Variants in KLHDC1 observed in about 807,000 individuals in gnomAD.
The protein encoded by KLHDC1 is kelch domain containing 1.
Under a neutral mutation model 68.3 loss-of-function variants are expected in KLHDC1, and 53 were observed. The observed-to-expected ratio is 0.78, with a 90% CI of 0.62 to 0.98. KLHDC1 has a LOEUF of 0.98. Ranked by LOEUF, KLHDC1 falls within the 50% of genes least tolerant of loss-of-function variation. KLHDC1 has a pLI of 0.00. For synonymous variants in KLHDC1, 148 were observed against 159.0 expected (o/e 0.93, Z 0.52); for missense variants, 470 against 492.3 (o/e 0.95, Z 0.43).
intron 1 of KLHDC1, among the ~76,000 whole-genome samples, chr14:49,694,747 G>C (rs979322869): frequency 2.4e-4 from 37 of 152,056 alleles, no homozygotes; most frequent in African/African-American, 8.7e-4. Flanking sequence ...CCAGCTACTC[G>C]GGAGGCTGAG....
intron 6 of KLHDC1, among the ~76,000 whole-genome samples, chr14:49,726,504 C>A (rs1314575796): frequency 6.6e-6 from 1 of 152,128 alleles, no homozygotes; most frequent in East Asian, 1.9e-4. Context: ...CATTCTTTAC[C>A]CACAAGTGTC....
At chr14:49,727,439 G>A (rs1402410845) in intron 6 of KLHDC1, among the ~76,000 whole-genome samples, 1 of 152,056 alleles carries the variant, frequency 6.6e-6, no homozygotes, top group African/African-American at 2.4e-5. Context: ...TGCTAAGCAG[G>A]TCGTATATGC....
chr14:49,734,725 C>A, intron 10 of KLHDC1, 64 bp downstream of exon 10: 1 of 856,390 alleles, frequency 1.2e-6, no homozygotes, highest in Non-Finnish European at 1.8e-6. Flanking sequence ...AAATATAGTA[C>A]TGAATTTATA....
Position 49,709,185 on chromosome 14 carries a change from G to C in KLHDC1, c.123G>C (p.Leu41Phe). ...YVSIEDNEVYLPNDEIWTYDI... is the reference protein window; with the variant it reads ...YVSIEDNEVYFPNDEIWTYDI... ...CTATTGAAGACAATGAAGTATATTT[G>C]CCTAATGATGAAATTTGGACCTATG... The change falls in exon 2 of 13, where the codon TTG becomes TTC. Residue 41 changes from leucine (L) to phenylalanine (F), a missense_variant. Transcript: ENST00000359332. 1 of 1,378,528 alleles carries C rather than the reference G, an allele frequency of 7.3e-7. No individual in the cohort carries two copies. The highest frequency in any genetic ancestry group is 1.0e-6 in the Non-Finnish European group (1 of 982,546). The allele number at this position is 1,378,528 out of a possible 1,614,324, so 85.4% of individuals were successfully genotyped here. A position where few individuals can be genotyped will look rare whatever the true frequency, so the allele number is the denominator to read the frequency against.
At position 49,693,841 on chromosome 14, in the gene KLHDC1, C is replaced by T. The variant is rs930686151; in HGVS notation, c.96+551C>T. Among the ~76,000 whole-genome samples the T allele has an allele frequency of 4.7e-4, 70 of 148,400 alleles. 2 individuals carry two copies. The highest frequency in any genetic ancestry group is 1.7e-3 in the African/African-American group (67 of 40,454). The stretch of plus-strand genomic sequence containing the variant: ...TCAGCTCACCGCAACCTCCGCCCCC[C>T]GCCCCGGGTTCAAGCGATTCTCCTG... On this transcript the variant is annotated intron_variant, in intron 1 of 12. Transcript: ENST00000359332.
At chr14:49,696,852 G>A (rs1259253853) in intron 1 of KLHDC1, among the ~76,000 whole-genome samples, 1 of 143,128 alleles carries the variant, frequency 7.0e-6, no homozygotes. Flanking sequence ...TTAATTTCTA[G>A]CTTTTGATTT....
At chr14:49,715,078 ATACT>A (rs1444049878) in intron 4 of KLHDC1, among the ~76,000 whole-genome samples, 1 of 147,524 alleles carries the variant, frequency 6.8e-6, no homozygotes, top group Non-Finnish European at 1.5e-5. Context: ...TGTATTATAC[ATACT>A]TTATTATATT....
At chr14:49,729,276 T>C (rs528720151) in intron 7 of KLHDC1, among the ~76,000 whole-genome samples, 1 of 152,352 alleles carries the variant, frequency 6.6e-6, no homozygotes, top group South Asian at 2.1e-4. Flanking sequence ...AATTTAAACC[T>C]ATTTCTTCCT....
At chr14:49,743,132 C>T (rs1288690206) in intron 11 of KLHDC1, among the ~76,000 whole-genome samples, 2 of 147,524 alleles carry the variant, frequency 1.4e-5, no homozygotes, top group Non-Finnish European at 3.0e-5. Context: ...TGCGGTGGCT[C>T]ACGCCTGTAA....
At chr14:49,715,602 G>A (rs987175581) in intron 4 of KLHDC1, among the ~76,000 whole-genome samples, 5 of 150,528 alleles carry the variant, frequency 3.3e-5, no homozygotes, top group African/African-American at 7.3e-5. Flanking sequence ...AAAATTAGCT[G>A]GGTGCAGTGG....
rs1594683605 is a variant in KLHDC1 at position 49,743,883 on chromosome 14, A to G, written c.1034+78A>G. 8.1e-6 allele frequency: 7 copies of G among 860,370 alleles called. No individual in the cohort carries two copies. The East Asian group carries it at 1.9e-4, about 23-fold the overall frequency. 53.3% of individuals were successfully genotyped at this position (860,370 alleles called of 1,614,324 possible). A position where few individuals can be genotyped will look rare whatever the true frequency, so the allele number is the denominator to read the frequency against. The stretch of plus-strand genomic sequence containing the variant: ...TTTCTCATTTTTGGGAAGCATTGAA[A>G]TATTTTTCAGGTTGCTTATGACATG... On this transcript the variant is annotated intron_variant, in intron 12 of 12. Coordinates refer to ENST00000359332, the MANE Select transcript of KLHDC1 (RefSeq NM_172193.3).
chr14:49,723,402 C>T (rs545760948), intron 4 of KLHDC1, among the ~76,000 whole-genome samples: 1 of 151,764 alleles, frequency 6.6e-6, no homozygotes, highest in South Asian at 2.1e-4. Flanking sequence ...CATGGTGGCA[C>T]GCACCTGTAG....
chr14:49,722,165 G>A (rs189785679), intron 4 of KLHDC1, among the ~76,000 whole-genome samples: 9 of 152,204 alleles, frequency 5.9e-5, no homozygotes, highest in African/African-American at 1.7e-4. Flanking sequence ...TCTAGGGTAC[G>A]TGTGCACAAC....
In KLHDC1 at chr14:49,725,874, G is replaced by C. The variant is rs1271759010; in HGVS notation, c.567+105G>C. 6.6e-6 allele frequency: 4 copies of C among 610,386 alleles called. No homozygotes were observed. The East Asian group carries it at 1.2e-4, about 19-fold the overall frequency. 37.8% of individuals were successfully genotyped at this position (610,386 alleles called of 1,614,324 possible). A position where few individuals can be genotyped will look rare whatever the true frequency, so the allele number is the denominator to read the frequency against. ...TTTTGTTTTGTGTTTTTGAGACAAA[G>C]TCTTGCTCTGTTGCCCAGGCTGGAG... is the stretch of plus-strand genomic sequence containing the variant. On this transcript the variant is annotated intron_variant, in intron 6 of 12. Transcript: ENST00000359332.
chr14:49,720,217 C>G (rs1888491671), intron 4 of KLHDC1, among the ~76,000 whole-genome samples: 1 of 152,044 alleles, frequency 6.6e-6, no homozygotes, highest in Non-Finnish European at 1.5e-5. Flanking sequence ...AACTCCTGAC[C>G]TCAGGTGATC....
At chr14:49,698,991 C>T (rs1025969484) in intron 1 of KLHDC1, among the ~76,000 whole-genome samples, 3 of 151,100 alleles carry the variant, frequency 2.0e-5, no homozygotes, top group African/African-American at 7.3e-5. Flanking sequence ...GGCGAAACCC[C>T]GTCTCTATTA....
rs1162396902 is a variant in KLHDC1 at position 49,701,081 on chromosome 14, C to T, written c.96+7791C>T. On this transcript the variant is annotated intron_variant, in intron 1 of 12. Coordinates refer to ENST00000359332, the MANE Select transcript of KLHDC1 (RefSeq NM_172193.3). ...TGGGCGACAGAGTGAGACTCCATCT[C>T]AAAAAAAAAAAGAAAAAAGAAAAAA... Among the ~76,000 whole-genome samples the T allele has an allele frequency of 6.4e-5, 7 of 108,874 alleles. 1 individual carries two copies. The South Asian group carries it at 1.9e-3, about 30-fold the overall frequency. The allele number at this position is 108,874 out of a possible 152,430, so 71.4% of individuals were successfully genotyped here.
chr14:49,706,122 A>T (rs1370206047), intron 1 of KLHDC1, among the ~76,000 whole-genome samples: 1 of 151,854 alleles, frequency 6.6e-6, no homozygotes, highest in African/African-American at 2.4e-5. Flanking sequence ...ATCCCTACCC[A>T]CCCACTCCCA....
chr14:49,701,848 A>G (rs1887915547), intron 1 of KLHDC1, among the ~76,000 whole-genome samples: 1 of 151,954 alleles, frequency 6.6e-6, no homozygotes, highest in African/African-American at 2.4e-5. Flanking sequence ...AGCCTGACCA[A>G]TATGATGAAA....
Sources: allele counts gnomAD v4.1 joint callset (sites outside exome capture counted in the v4.1 genomes callset), GRCh38; gene constraint gnomAD v4.1.1; transcripts MANE v1.5; gene names NCBI Gene and HGNC (gene_info 2026-07-23, HGNC 2026-07-21).